POLA2: variants seen among roughly 807,000 people sequenced by gnomAD.
POLA2 encodes the protein DNA polymerase alpha subunit B.
POLA2 carries 47 observed loss-of-function variants against 82.8 expected under a neutral mutation model. That is an observed-to-expected ratio of 0.57 (90% CI 0.45 to 0.72). The LOEUF is 0.72. Among genes scored for constraint, POLA2 ranks in the 30% least tolerant of loss-of-function variants. POLA2 has a pLI of 0.00. For missense variants in POLA2, 634 were observed against 728.1 expected (o/e 0.87, Z 1.49); for synonymous variants, 287 against 286.8 (o/e 1.00, Z -0.01).
intron 13 of POLA2, among the ~76,000 whole-genome samples, chr11:65,292,279 G>T (rs867148317): frequency 6.6e-6 from 1 of 152,216 alleles, no homozygotes; most frequent in Non-Finnish European, 1.5e-5. Context: ...CAGAGAAAGC[G>T]AGCAGAGCCC....
chr11:65,303,028 C>CCCA (rs1476204237), downstream of POLA2, among the ~76,000 whole-genome samples: 1 of 152,144 alleles, frequency 6.6e-6, no homozygotes, highest in African/African-American at 2.4e-5. Context: ...AAATTTTTTA[C>CCCA]CATGTGTCTG....
In POLA2 at chr11:65,297,450, A is replaced by T. The variant is rs994466647; in HGVS notation, c.*181A>T. 6.5e-5 allele frequency: 37 copies of T among 565,732 alleles called. No homozygotes were observed. Among genetic ancestry groups the T allele is most frequent in the Admixed American group, 3.7e-5 (1 of 27,028 alleles). 35.0% of individuals were successfully genotyped at this position (565,732 alleles called of 1,614,324 possible). A position where few individuals can be genotyped will look rare whatever the true frequency, so the allele number is the denominator to read the frequency against. On this transcript the variant is annotated 3_prime_UTR_variant, in exon 18 of 18. Coordinates refer to ENST00000265465, the MANE Select transcript of POLA2 (RefSeq NM_002689.4). ...ACTTGTGCAGCCGGGCCTGCCTCTGAGTGGTGCCTCTCCTGGAAGGAAGCT... is the reference window on the plus strand; with the variant it reads ...ACTTGTGCAGCCGGGCCTGCCTCTGTGTGGTGCCTCTCCTGGAAGGAAGCT...
chr11:65,290,268 A>G (rs902553957), intron 13 of POLA2, among the ~76,000 whole-genome samples: 8 of 140,712 alleles, frequency 5.7e-5, no homozygotes, highest in African/African-American at 1.9e-4. Context: ...AAAAAAAAAA[A>G]GCTGGGCGTG....
intron 11 of POLA2, among the ~76,000 whole-genome samples, chr11:65,288,512 G>GTTTTTTTTT (rs572913995): frequency 4.2e-5 from 5 of 119,942 alleles, no homozygotes; most frequent in Admixed American, 9.3e-5. Context: ...TTTGTTTTTT[G>GTTTTTTTTT]TTTTTTTTTT....
downstream of POLA2, among the ~76,000 whole-genome samples, chr11:65,299,962 G>C (rs1040915441): frequency 2.6e-5 from 4 of 152,146 alleles, no homozygotes; most frequent in Non-Finnish European, 5.9e-5. Flanking sequence ...AGAGTGCTGG[G>C]ATTACAGGCG....
chr11:65,291,361 G>A (rs1949753239), intron 13 of POLA2, among the ~76,000 whole-genome samples: 1 of 152,222 alleles, frequency 6.6e-6, no homozygotes. Context: ...TGTGGGCCAG[G>A]ATGGTAGATG....
At chr11:65,303,868 A>T (rs1949871527) in intron 8 of POLA2, among the ~76,000 whole-genome samples, 1 of 152,208 alleles carries the variant, frequency 6.6e-6, no homozygotes, top group Non-Finnish European at 1.5e-5. Context: ...AGGGCCCTGC[A>T]GGTTGGGGGT....
Position 65,295,604 on chromosome 11 carries a change from G to GA in POLA2, c.1520+5_1520+6insA, listed in dbSNP as rs1460689354. 6.2e-7 allele frequency: 1 copy of GA among 1,611,906 alleles called. No homozygotes were observed. Among genetic ancestry groups the GA allele is most frequent in the Admixed American group, 1.7e-5 (1 of 60,012 alleles). On this transcript the variant is annotated splice_donor_region_variant and intron_variant, in intron 16 of 17. Transcript: ENST00000265465. ...GCACATCTTGACCCAGAGGAGGTGA[G>GA]CTTGCCGCTGGGACCCCTGACTGTG...
At chr11:65,264,292 C>A (rs1253978843) in intron 1 of POLA2, among the ~76,000 whole-genome samples, 3 of 152,176 alleles carry the variant, frequency 2.0e-5, no homozygotes, top group Non-Finnish European at 4.4e-5. Flanking sequence ...TGATCTCGAA[C>A]CCCTGACCTC....
chr11:65,288,888 G>A (rs141353742), intron 11 of POLA2, among the ~76,000 whole-genome samples, 162 bp from the exon 12 acceptor site: 110 of 152,322 alleles, frequency 7.2e-4, no homozygotes, highest in African/African-American at 2.1e-3. Context: ...TTGGCTTGGC[G>A]CCCCGCCAGC....
intron 10 of POLA2, among the ~76,000 whole-genome samples, chr11:65,282,857 G>A (rs1277686340): frequency 2.6e-5 from 4 of 152,176 alleles, no homozygotes; most frequent in Non-Finnish European, 5.9e-5. Context: ...GGGCAGATGC[G>A]GTGGCTCACA....
chr11:65,273,309 G>T (rs984338369), intron 4 of POLA2, among the ~76,000 whole-genome samples: 1 of 152,134 alleles, frequency 6.6e-6, no homozygotes, highest in East Asian at 1.9e-4. Flanking sequence ...GCAACCCTCC[G>T]TCTCAAAAAA....
chr11:65,279,316 G>A (rs1949615476), intron 6 of POLA2, among the ~76,000 whole-genome samples: 1 of 152,168 alleles, frequency 6.6e-6, no homozygotes, highest in Admixed American at 6.6e-5. Flanking sequence ...CCCTGGAATT[G>A]TGCTATGGGG....
chr11:65,271,922 A>C (rs677740), intron 4 of POLA2, among the ~76,000 whole-genome samples: 84 of 151,742 alleles, frequency 5.5e-4, no homozygotes, highest in African/African-American at 2.0e-3. Flanking sequence ...CAATATGTCC[A>C]GGCTAGAGAT....
chr11:65,294,270 A>AC lies in POLA2; in HGVS notation c.1353+12dup. On this transcript the variant is annotated intron_variant, in intron 14 of 17. Coordinates refer to ENST00000265465, the MANE Select transcript of POLA2 (RefSeq NM_002689.4). ...CTCGAGAGGACAAAAAGGTAGCAGC[A>AC]CCCACTCCTTGACCAGCAGGCAGCC... The AC allele has an allele frequency of 3.1e-6, 5 of 1,605,304 alleles. No individual in the cohort carries two copies. The highest frequency in any genetic ancestry group is 2.6e-6 in the Non-Finnish European group (3 of 1,171,976).
chr11:65,294,323 T>C, intron 14 of POLA2, 62 bp downstream of exon 14: 1 of 1,364,620 alleles, frequency 7.3e-7, no homozygotes. Context: ...TGCCACTAGC[T>C]CTGGCCCTGA....
At chr11:65,289,948 T>G in intron 13 of POLA2, 76 bp downstream of exon 13, 1 of 979,536 alleles carries the variant, frequency 1.0e-6, no homozygotes, top group Non-Finnish European at 1.6e-6. Context: ...AAACTGAAAC[T>G]GCTTAAAAGT....
intron 3 of POLA2, among the ~76,000 whole-genome samples, chr11:65,268,461 C>T (rs1324984422): frequency 6.6e-6 from 1 of 151,520 alleles, no homozygotes; most frequent in Admixed American, 6.6e-5. Flanking sequence ...ATGCCATTCT[C>T]CTGCCTCAGC....
chr11:65,279,514 T>G, intron 6 of POLA2, 24 bp from the exon 7 acceptor site: 1 of 1,449,134 alleles, frequency 6.9e-7, no homozygotes, highest in Non-Finnish European at 9.3e-7. Context: ...AACATAATAC[T>G]TTTTTCCACT....
Sources: gnomAD v4.1 joint callset for allele counts (sites outside exome capture counted in the v4.1 genomes callset) on GRCh38, gnomAD v4.1.1 for gene constraint, MANE v1.5 for transcripts, NCBI Gene and HGNC (gene_info 2026-07-23, HGNC 2026-07-21) for gene names.